Variants in FAM168A observed in about 807,000 individuals in gnomAD.
FAM168A encodes family with sequence similarity 168 member A.
In FAM168A, 3 loss-of-function variants were observed where a neutral mutation model predicts 28.5. The observed-to-expected ratio is 0.11, with a 90% confidence interval of 0.05 to 0.27. FAM168A has a LOEUF of 0.27. Ranked by LOEUF, FAM168A falls within the 10% of genes least tolerant of loss-of-function variation. The probability of loss-of-function intolerance (pLI) is 1.00; values close to 1 mark genes in which losing one functional copy is unlikely to be tolerated. For missense variants in FAM168A, 222 were observed against 311.5 expected (o/e 0.71, Z 2.16); for synonymous variants, 122 against 124.2 (o/e 0.98, Z 0.12).
At chr11:73,455,701 G>A (rs76255387) in intron 2 of FAM168A, among the ~76,000 whole-genome samples, 4,510 of 152,256 alleles carry the variant, frequency 0.03, 222 homozygotes, top group African/African-American at 0.1. Flanking sequence ...AAAGAACAGA[G>A]TATATAACAA....
chr11:73,506,721 AATATACT>A (rs1227639391), intron 1 of FAM168A, among the ~76,000 whole-genome samples: 1 of 152,204 alleles, frequency 6.6e-6, no homozygotes, highest in African/African-American at 2.4e-5. Flanking sequence ...TAACACATTT[AATATACT>A]ATATATCACA....
intron 1 of FAM168A, among the ~76,000 whole-genome samples, chr11:73,576,518 C>T (rs537436833): frequency 5.9e-4 from 90 of 152,182 alleles, no homozygotes; most frequent in African/African-American, 1.9e-3. Flanking sequence ...ACTGAATGAG[C>T]GGTTACCAGA....
intron 2 of FAM168A, among the ~76,000 whole-genome samples, chr11:73,457,466 AAG>A (rs1354240201): frequency 2.0e-5 from 3 of 151,912 alleles, no homozygotes; most frequent in Non-Finnish European, 1.5e-5. Flanking sequence ...TGAGTAAAAG[AAG>A]AGTTATTGTT....
At chr11:73,446,783 G>A (rs963748906) in intron 2 of FAM168A, among the ~76,000 whole-genome samples, 4 of 152,144 alleles carry the variant, frequency 2.6e-5, no homozygotes, top group Non-Finnish European at 5.9e-5. Flanking sequence ...CTTGACTGAA[G>A]TATCAACACT....
intron 1 of FAM168A, among the ~76,000 whole-genome samples, chr11:73,484,578 C>CTA (rs56265923): frequency 2.6e-3 from 185 of 70,596 alleles, no homozygotes; most frequent in African/African-American, 7.1e-3. Context: ...ATCTATATAT[C>CTA]GATATCTATC....
At chr11:73,462,500 G>A (rs1043851290) in intron 2 of FAM168A, among the ~76,000 whole-genome samples, 1 of 152,208 alleles carries the variant, frequency 6.6e-6, no homozygotes, top group African/African-American at 2.4e-5. Flanking sequence ...TTTGCAAGAC[G>A]AAAGGAGTTC....
chr11:73,579,816 A>G (rs529899244), intron 1 of FAM168A, among the ~76,000 whole-genome samples: 12 of 152,356 alleles, frequency 7.9e-5, no homozygotes, highest in African/African-American at 2.9e-4. Context: ...CATCACTTGG[A>G]TGCAAGCATA....
chr11:73,542,147 C>T (rs1943665841), intron 1 of FAM168A, among the ~76,000 whole-genome samples: 1 of 152,176 alleles, frequency 6.6e-6, no homozygotes, highest in African/African-American at 2.4e-5. Flanking sequence ...CCTAGGTGAG[C>T]ACATCTACTC....
At chr11:73,571,035 T>C (rs1944080296) in intron 1 of FAM168A, among the ~76,000 whole-genome samples, 1 of 152,032 alleles carries the variant, frequency 6.6e-6, no homozygotes, top group Non-Finnish European at 1.5e-5. Flanking sequence ...TAATACTTAA[T>C]ACAGAAGACA....
intron 1 of FAM168A, among the ~76,000 whole-genome samples, chr11:73,525,835 G>A (rs1174196460): frequency 6.6e-6 from 1 of 152,040 alleles, no homozygotes. Context: ...TACCAGTTCT[G>A]TTCCATTTCA....
chr11:73,470,912 T>C (rs1219615097), intron 1 of FAM168A, among the ~76,000 whole-genome samples: 2 of 152,176 alleles, frequency 1.3e-5, no homozygotes, highest in African/African-American at 4.8e-5. Flanking sequence ...AAGAAACTCA[T>C]CAGCTTTGAA....
rs570661697 is a variant in FAM168A at position 73,402,171 on chromosome 11, G to A, written c.*4592C>T. The A allele has an allele frequency of 5.9e-5, 9 of 152,354 alleles. No homozygotes were observed. Among genetic ancestry groups the A allele is most frequent in the African/African-American group, 2.2e-4 (9 of 41,578 alleles). The allele number at this position is 152,354 out of a possible 1,614,324, so 9.4% of individuals were successfully genotyped here. A position where few individuals can be genotyped will look rare whatever the true frequency, so the allele number is the denominator to read the frequency against. On this transcript the variant is annotated 3_prime_UTR_variant, in exon 8 of 8. Coordinates refer to ENST00000356467, the MANE Select transcript of FAM168A (RefSeq NM_015159.3). ...GCCAGTAGTGATGTGGGAGAATACA[G>A]GATGGAAAAGCAGACTTCCACGTAT...
intron 3 of FAM168A, among the ~76,000 whole-genome samples, chr11:73,423,842 G>A (rs1866839224): frequency 6.6e-6 from 1 of 152,154 alleles, no homozygotes; most frequent in East Asian, 1.9e-4. Flanking sequence ...TTTTCAAAGG[G>A]CCAGCTTAGA....
In FAM168A at chr11:73,442,125, CTT is replaced by C. The variant is rs59066860; in HGVS notation, c.71-11357_71-11356del. Among the ~76,000 whole-genome samples, 1,192 of 130,922 alleles carry C rather than the reference CTT, an allele frequency of 9.1e-3. 14 individuals carry two copies. The highest frequency in any genetic ancestry group is 0.034 in the African/African-American group (1,126 of 33,018). The allele number at this position is 130,922 out of a possible 152,430, so 85.9% of individuals were successfully genotyped here. A position where few individuals can be genotyped will look rare whatever the true frequency, so the allele number is the denominator to read the frequency against. On this transcript the variant is annotated intron_variant, in intron 2 of 7. Coordinates refer to ENST00000356467, the MANE Select transcript of FAM168A (RefSeq NM_015159.3). ...TTATTGAGTTGAGGTCTTTCTTCTT[CTT>C]TTTTTTTTTTTTTTTTGAGACGGAG...
chr11:73,545,583 G>A (rs1392133243), intron 1 of FAM168A, among the ~76,000 whole-genome samples: 2 of 151,380 alleles, frequency 1.3e-5, no homozygotes, highest in African/African-American at 4.9e-5. Flanking sequence ...TGAGTGAATT[G>A]TGTGGCATAT....
rs114964611 is a variant in FAM168A, at chr11:73,472,455, C to T, written c.-18-3963G>A. Among the ~76,000 whole-genome samples the T allele has an allele frequency of 2.7e-3, 409 of 152,230 alleles. 2 individuals are homozygous for T. Among genetic ancestry groups the T allele is most frequent in the African/African-American group, 9.4e-3 (391 of 41,516 alleles). ...AGTAAGATCAGACAGGTAATGAAGG[C>T]CAAATCATGCAGGGCCTCATAGGCC... On this transcript the variant is annotated intron_variant, in intron 1 of 7. Coordinates refer to ENST00000356467, the MANE Select transcript of FAM168A (RefSeq NM_015159.3).
At chr11:73,554,346 G>A (rs748698015) in intron 1 of FAM168A, among the ~76,000 whole-genome samples, 8 of 152,136 alleles carry the variant, frequency 5.3e-5, no homozygotes, top group Admixed American at 1.3e-4. Flanking sequence ...CTGCACTCCA[G>A]CCTAGGTGAC....
chr11:73,472,049 C>T (rs1867822213), intron 1 of FAM168A, among the ~76,000 whole-genome samples: 1 of 152,118 alleles, frequency 6.6e-6, no homozygotes, highest in Admixed American at 6.6e-5. Flanking sequence ...GTGAACTGCA[C>T]ATACGAAGGA....
intron 4 of FAM168A, 73 bp downstream of exon 4, chr11:73,419,801 C>T: frequency 4.5e-6 from 7 of 1,560,888 alleles, no homozygotes; most frequent in Non-Finnish European, 5.2e-6. Context: ...TAAAAAGCTC[C>T]CTTTCCTTTC....
Sources: allele counts gnomAD v4.1 joint callset (sites outside exome capture counted in the v4.1 genomes callset), GRCh38; gene constraint gnomAD v4.1.1; transcripts MANE v1.5; gene names NCBI Gene and HGNC (gene_info 2026-07-23, HGNC 2026-07-21).